Variants in AK7 observed in about 807,000 individuals in gnomAD.
AK7 encodes adenylate kinase 7.
A neutral mutation model predicts 96.6 loss-of-function variants in AK7; 78 were observed. That is an observed-to-expected ratio of 0.81 (90% CI 0.67 to 0.97). The LOEUF (loss-of-function observed/expected upper bound fraction) is 0.97, where lower values mean the gene tolerates loss of function less well. Among genes scored for constraint, AK7 ranks in the 50% least tolerant of loss-of-function variants. The pLI is 0.00. For synonymous variants in AK7, 302 were observed against 317.2 expected, an observed-to-expected ratio of 0.95 and a Z score of 0.51; for missense variants, 855 against 887.9, an observed-to-expected ratio of 0.96 and a Z score of 0.47.
chr14:96,414,788 T>G (rs1595383661), intron 4 of AK7, among the ~76,000 whole-genome samples: 1 of 126,114 alleles, frequency 7.9e-6, no homozygotes, highest in South Asian at 2.5e-4. Flanking sequence ...TTTAGTGTGG[T>G]GCAGGCTGGA....
chr14:96,478,337 C>T, intron 14 of AK7, 128 bp from the exon 15 acceptor site: 1 of 886,642 alleles, frequency 1.1e-6, no homozygotes, highest in Non-Finnish European at 1.8e-6. Flanking sequence ...GGCAGCAAAG[C>T]CAATTGGACA....
chr14:96,450,185 G>A (rs1893509369), intron 9 of AK7, among the ~76,000 whole-genome samples: 1 of 152,050 alleles, frequency 6.6e-6, no homozygotes, highest in South Asian at 2.1e-4. Flanking sequence ...GGGAGGCCGA[G>A]GCAGGTGGAC....
At chr14:96,442,858 T>A (rs751200034) in intron 7 of AK7, 40 bp downstream of exon 7, 1 of 1,560,562 alleles carries the variant, frequency 6.4e-7, no homozygotes, top group South Asian at 1.1e-5. Flanking sequence ...ACAGAATTGG[T>A]TAATGTGTTT....
intron 6 of AK7, among the ~76,000 whole-genome samples, chr14:96,438,381 GTTATATC>G (rs1053028827): frequency 6.6e-5 from 10 of 152,158 alleles, no homozygotes; most frequent in East Asian, 1.9e-4. Flanking sequence ...GATTGGGGCT[GTTATATC>G]TTATATAGGA....
rs531610037 is a variant in AK7 at position 96,487,236 on chromosome 14, T to A, written c.2133+180T>A. Among the ~76,000 whole-genome samples the A allele has an allele frequency of 2.6e-3, 378 of 143,588 alleles. 2 individuals carry two copies. Among genetic ancestry groups the A allele is most frequent in the African/African-American group, 9.2e-3 (354 of 38,456 alleles). The allele number at this position is 143,588 out of a possible 152,430, so 94.2% of individuals were successfully genotyped here. ...TAAAAATACAAAAAAAAAAAAAAAATTAGCTGGGTGTGGTGGCACGCGCTG... is the reference window on the plus strand; with the variant it reads ...TAAAAATACAAAAAAAAAAAAAAAAATAGCTGGGTGTGGTGGCACGCGCTG... On this transcript the variant is annotated intron_variant, in intron 17 of 17. Transcript: ENST00000267584.
chr14:96,430,160 T>G (rs1892266036), intron 5 of AK7, among the ~76,000 whole-genome samples: 1 of 151,254 alleles, frequency 6.6e-6, no homozygotes, highest in Non-Finnish European at 1.5e-5. Context: ...TTATTAAAAG[T>G]TTTTAGCAAG....
chr14:96,416,001 A>G (rs1891328018), intron 4 of AK7, among the ~76,000 whole-genome samples: 1 of 152,122 alleles, frequency 6.6e-6, no homozygotes, highest in South Asian at 2.1e-4. Context: ...ACAAGGGCCG[A>G]CGGGCTCTGA....
rs746369518 is a variant in AK7 at position 96,398,118 on chromosome 14, CAGAGGAAGAGGA to C, written c.159_170del (p.Glu53_Glu56del). 5.3e-4 allele frequency: 857 copies of C among 1,614,100 alleles called. 1 individual carries two copies. Among genetic ancestry groups the C allele is most frequent in the Non-Finnish European group, 6.7e-4 (786 of 1,180,020 alleles). On this transcript the variant is annotated inframe_deletion, in exon 2 of 18. Transcript: ENST00000267584. Reference sequence around the variant, plus strand: ...GTTGGGGCTTCGCTTGAAGAAATTACAGAGGAAGAGGAAGAGGAAGATGAAAATAAGTCAGCT... The same window carrying C: ...GTTGGGGCTTCGCTTGAAGAAATTACAGAGGAAGATGAAAATAAGTCAGCT...
intron 3 of AK7, among the ~76,000 whole-genome samples, chr14:96,405,932 C>G (rs1005678912): frequency 2.0e-5 from 3 of 152,216 alleles, no homozygotes; most frequent in African/African-American, 7.2e-5. Context: ...GAGACAAGAT[C>G]TTGCTCTGTC....
chr14:96,412,932 G>A (rs1451053519), intron 4 of AK7, among the ~76,000 whole-genome samples: 1 of 152,156 alleles, frequency 6.6e-6, no homozygotes, highest in Non-Finnish European at 1.5e-5. Flanking sequence ...AACATAATAG[G>A]TTGGAAAAAA....
intron 5 of AK7, among the ~76,000 whole-genome samples, chr14:96,431,478 T>G (rs1428050854): frequency 1.3e-5 from 2 of 152,246 alleles, no homozygotes. Flanking sequence ...CTCATTGATT[T>G]CAAAGAACAT....
intron 15 of AK7, among the ~76,000 whole-genome samples, chr14:96,480,802 C>T (rs1417060040): frequency 1.3e-5 from 2 of 152,118 alleles, no homozygotes; most frequent in Admixed American, 1.3e-4. Flanking sequence ...CTCATTTGGC[C>T]TCATCTACAA....
intron 2 of AK7, 171 bp downstream of exon 2, chr14:96,398,434 CT>C: frequency 1.5e-6 from 1 of 675,714 alleles, no homozygotes. Context: ...ACAGACCCCA[CT>C]TTTAATTTTC....
At chr14:96,472,606 TTAAGA>T (rs1165766715) in intron 13 of AK7, 76 bp from the exon 14 acceptor site, 3 of 1,083,706 alleles carry the variant, frequency 2.8e-6, no homozygotes, top group Non-Finnish European at 4.1e-6. Context: ...TGCTTGCTAC[TTAAGA>T]TATTTGGAAT....
At position 96,483,139 on chromosome 14, in the gene AK7, A is replaced by G. The variant is rs184264407; in HGVS notation, c.1894A>G (p.Arg632Gly). The G allele has an allele frequency of 3.9e-5, 63 of 1,614,070 alleles. No individual in the cohort carries two copies. In the East Asian group the frequency reaches 1.3e-3, roughly 33 times the overall value. Residue 632 changes from arginine (R) to glycine (G), a missense_variant, in exon 16 of 18, where the codon AGG (arginine) becomes GGG (glycine). Transcript: ENST00000267584. ...ERKAAEERLA[R>G]EAAEEAEREH... ...GAAGGCTGCGGAGGAGCGGCTGGCC[A>G]GGGAGGCTGCTGAGGAAGCAGAACG...
chr14:96,409,430 GGC>G (rs1890911116), intron 4 of AK7, among the ~76,000 whole-genome samples: 1 of 152,040 alleles, frequency 6.6e-6, no homozygotes, highest in African/African-American at 2.4e-5. Flanking sequence ...AAATTACCTG[GGC>G]GTGGTGCCAG....
chr14:96,430,026 TC>T (rs891044584), intron 5 of AK7, among the ~76,000 whole-genome samples: 34 of 152,210 alleles, frequency 2.2e-4, no homozygotes, highest in African/African-American at 8.2e-4. Flanking sequence ...AGAGAGGGCA[TC>T]CCTGTCTTGT....
chr14:96,451,437 A>G lies in AK7; in HGVS notation c.965A>G (p.His322Arg), dbSNP rs1434276663. The G allele has an allele frequency of 6.3e-7, 1 of 1,580,374 alleles. No individual in the cohort carries two copies. Among genetic ancestry groups the G allele is most frequent in the Non-Finnish European group, 8.6e-7 (1 of 1,162,756 alleles). The change falls in exon 10 of 18, where the codon CAT becomes CGT. Residue 322 changes from histidine (H) to arginine (R), a missense_variant. Coordinates refer to ENST00000267584, the MANE Select transcript of AK7 (RefSeq NM_152327.5). ...TKDLTQDCLD[H>R]LLVNLRMEAL... ...ATCTTTCAGCAAGATTGTCTTGACC[A>G]TTTACTGGTCAACTTAAGAATGGAA...
At chr14:96,415,781 T>A (rs193040102) in intron 4 of AK7, among the ~76,000 whole-genome samples, 26 of 149,254 alleles carry the variant, frequency 1.7e-4, no homozygotes, top group East Asian at 1.4e-3. Context: ...ATTAAATTAA[T>A]TTAATACATT....
Sources: allele counts gnomAD v4.1 joint callset (sites outside exome capture counted in the v4.1 genomes callset), GRCh38; gene constraint gnomAD v4.1.1; transcripts MANE v1.5; gene names NCBI Gene and HGNC (gene_info 2026-07-23, HGNC 2026-07-21).